SDHAF3: variants seen among roughly 807,000 people sequenced by gnomAD.
The protein encoded by SDHAF3 is succinate dehydrogenase complex assembly factor 3.
SDHAF3 carries 18 observed loss-of-function variants against 11.5 expected under a neutral mutation model. The ratio of observed to expected loss-of-function variants is 1.56; its 90% CI spans 1.08 to 2.32. SDHAF3 has a LOEUF of 2.32. Ranked by LOEUF, SDHAF3 falls within the 30% of genes most tolerant of loss-of-function variation. The pLI, the probability that SDHAF3 is intolerant of heterozygous loss-of-function variation, is 0.00. For missense variants in SDHAF3, 200 were observed against 154.4 expected (o/e 1.30, Z -1.57); for synonymous variants, 72 against 59.3 (o/e 1.21, Z -0.99).
At chr7:97,126,342 C>G (rs928694517) in intron 1 of SDHAF3, among the ~76,000 whole-genome samples, 1 of 152,238 alleles carries the variant, frequency 6.6e-6, no homozygotes, top group Admixed American at 6.5e-5. Flanking sequence ...TGCGAAAGCC[C>G]TCCTTGTCAG....
At chr7:97,141,077 C>T (rs1789028462) in intron 1 of SDHAF3, among the ~76,000 whole-genome samples, 1 of 152,188 alleles carries the variant, frequency 6.6e-6, no homozygotes, top group South Asian at 2.1e-4. Flanking sequence ...ACGGTCATAG[C>T]TGAGGGATGA....
intron 1 of SDHAF3, among the ~76,000 whole-genome samples, chr7:97,172,856 CAG>C (rs1193513216): frequency 6.6e-6 from 1 of 152,100 alleles, no homozygotes; most frequent in East Asian, 1.9e-4. Context: ...TTTCTAGAAA[CAG>C]AAGAAAAACT....
At chr7:97,177,144 C>T (rs906410504) in intron 1 of SDHAF3, among the ~76,000 whole-genome samples, 3 of 151,872 alleles carry the variant, frequency 2.0e-5, no homozygotes, top group Non-Finnish European at 4.4e-5. Context: ...CTGCTTGGAA[C>T]TTGCTAAGCT....
intron 1 of SDHAF3, among the ~76,000 whole-genome samples, chr7:97,145,136 A>G (rs1253567653): frequency 1.3e-5 from 2 of 149,102 alleles, no homozygotes; most frequent in East Asian, 3.9e-4. Context: ...TTGAAGAGCT[A>G]CTGATTTGTG....
At chr7:97,177,957 A>G (rs890500109) in intron 1 of SDHAF3, among the ~76,000 whole-genome samples, 9 of 152,078 alleles carry the variant, frequency 5.9e-5, no homozygotes, top group African/African-American at 9.7e-5. Flanking sequence ...GTTTGTAATA[A>G]TTTTTAATTT....
At chr7:97,155,778 T>C (rs1169387074) in intron 1 of SDHAF3, among the ~76,000 whole-genome samples, 1 of 152,068 alleles carries the variant, frequency 6.6e-6, no homozygotes, top group African/African-American at 2.4e-5. Flanking sequence ...AGAATTGTAG[T>C]CTCTAAACTT....
intron 1 of SDHAF3, among the ~76,000 whole-genome samples, chr7:97,118,549 C>CT (rs34297923): frequency 2.1e-5 from 3 of 141,674 alleles, no homozygotes; most frequent in Non-Finnish European, 3.1e-5. Flanking sequence ...AGTCGTTTGA[C>CT]TTTTTTTTTT....
At chr7:97,171,365 T>TGTCA (rs1336776814) in intron 1 of SDHAF3, among the ~76,000 whole-genome samples, 6 of 152,186 alleles carry the variant, frequency 3.9e-5, no homozygotes, top group African/African-American at 1.4e-4. Flanking sequence ...AAAAAATTAC[T>TGTCA]GTCATTTTAG....
At chr7:97,135,134 C>T (rs1474383082) in intron 1 of SDHAF3, 1 of 151,894 alleles carries the variant, frequency 6.6e-6, no homozygotes, top group Non-Finnish European at 1.5e-5. Context: ...GAAGTGGCTA[C>T]ATCCTTGTCA....
At chr7:97,156,440 A>T (rs1348819741) in intron 1 of SDHAF3, among the ~76,000 whole-genome samples, 1 of 152,136 alleles carries the variant, frequency 6.6e-6, no homozygotes, top group Non-Finnish European at 1.5e-5. Flanking sequence ...AGTATTCTCC[A>T]CTGTTATCTT....
intron 1 of SDHAF3, among the ~76,000 whole-genome samples, chr7:97,138,234 A>G (rs1788962264): frequency 6.7e-6 from 1 of 150,298 alleles, no homozygotes; most frequent in Admixed American, 6.7e-5. Flanking sequence ...ATCTCAGCTC[A>G]CTGCAACGTC....
chr7:97,123,701 G>A (rs566344714), intron 1 of SDHAF3, among the ~76,000 whole-genome samples: 3,794 of 152,004 alleles, frequency 0.025, 144 homozygotes, highest in African/African-American at 0.087. Context: ...ACTGGCGTGA[G>A]ATGGTATCTC....
At chr7:97,137,661 A>C (rs1358888936) in intron 1 of SDHAF3, among the ~76,000 whole-genome samples, 1 of 152,190 alleles carries the variant, frequency 6.6e-6, no homozygotes, top group Non-Finnish European at 1.5e-5. Context: ...GCCACAAATC[A>C]ATATGTGATA....
chr7:97,142,040 G>GTTTTTTTTTTTT (rs1474413744), intron 1 of SDHAF3, among the ~76,000 whole-genome samples: 1 of 87,914 alleles, frequency 1.1e-5, no homozygotes, highest in African/African-American at 4.3e-5. Context: ...GTGAATTGTT[G>GTTTTTTTTTTTT]TCTTTTTTTT....
chr7:97,175,342 G>A (rs1260168267), intron 1 of SDHAF3, among the ~76,000 whole-genome samples: 1 of 152,120 alleles, frequency 6.6e-6, no homozygotes, highest in East Asian at 1.9e-4. Flanking sequence ...GTGTCATGGG[G>A]GTTTGTTGTA....
chr7:97,167,318 G>A (rs572493116), intron 1 of SDHAF3, among the ~76,000 whole-genome samples: 7 of 152,210 alleles, frequency 4.6e-5, no homozygotes, highest in East Asian at 1.9e-4. Context: ...AAAGGTGCTC[G>A]CTTTTTGTTC....
At chr7:97,145,134 C>T (rs1191455219) in intron 1 of SDHAF3, among the ~76,000 whole-genome samples, 1 of 150,930 alleles carries the variant, frequency 6.6e-6, no homozygotes, top group Non-Finnish European at 1.5e-5. Context: ...TATTGAAGAG[C>T]TACTGATTTG....
intron 1 of SDHAF3, among the ~76,000 whole-genome samples, chr7:97,176,279 T>G (rs1049273333): frequency 6.6e-6 from 1 of 152,224 alleles, no homozygotes; most frequent in Non-Finnish European, 1.5e-5. Context: ...AAGCAGCTGC[T>G]TAACTTACCC....
intron 1 of SDHAF3, among the ~76,000 whole-genome samples, chr7:97,128,496 A>G (rs976651797): frequency 6.6e-6 from 1 of 152,170 alleles, no homozygotes; most frequent in Non-Finnish European, 1.5e-5. Flanking sequence ...AAATGATTCA[A>G]AATTTTCAGA....
Sources: gnomAD v4.1 joint callset for allele counts (sites outside exome capture counted in the v4.1 genomes callset) on GRCh38, gnomAD v4.1.1 for gene constraint, MANE v1.5 for transcripts, NCBI Gene and HGNC (gene_info 2026-07-23, HGNC 2026-07-21) for gene names.